The following FAM53B variants were observed in gnomAD, a reference collection of about 807,000 sequenced individuals.
FAM53B encodes protein FAM53B.
In FAM53B, 12 loss-of-function variants were observed where a neutral mutation model predicts 32.7. That is an observed-to-expected ratio of 0.37 (90% confidence interval 0.24 to 0.59). FAM53B has a LOEUF of 0.59. Ranked by LOEUF, FAM53B falls within the 20% of genes least tolerant of loss-of-function variation. The pLI is 0.72. For missense variants in FAM53B, 477 were observed against 577.7 expected (o/e 0.83, Z 1.79); for synonymous variants, 234 against 228.7 (o/e 1.02, Z -0.21).
chr10:124,688,515 TCA>T (rs1313047910), intron 3 of FAM53B, among the ~76,000 whole-genome samples: 3 of 152,256 alleles, frequency 2.0e-5, no homozygotes, highest in Non-Finnish European at 2.9e-5. Context: ...CCCAGTTCTC[TCA>T]CAGTCTTGGA....
chr10:124,650,180 G>A (rs1411156070), intron 4 of FAM53B, among the ~76,000 whole-genome samples: 3 of 152,178 alleles, frequency 2.0e-5, no homozygotes, highest in Non-Finnish European at 2.9e-5. Context: ...TTACAATACT[G>A]TAGGCTGTGC....
At chr10:124,692,652 T>C (rs1416112763) in intron 3 of FAM53B, among the ~76,000 whole-genome samples, 1 of 134,856 alleles carries the variant, frequency 7.4e-6, no homozygotes, top group African/African-American at 2.8e-5. Flanking sequence ...GAGGCGGAGG[T>C]TGCCCTGAGA....
intron 1 of FAM53B, chr10:124,742,356 C>T (rs1349681002): frequency 1.3e-5 from 2 of 152,186 alleles, no homozygotes; most frequent in Non-Finnish European, 2.9e-5. Flanking sequence ...CTGTAACTGA[C>T]ACAAGTTACT....
chr10:124,674,122 G>A (rs1011196578), intron 4 of FAM53B, among the ~76,000 whole-genome samples: 4 of 152,212 alleles, frequency 2.6e-5, no homozygotes, highest in South Asian at 2.1e-4. Flanking sequence ...TACAGAGCCC[G>A]GGACTCATAC....
chr10:124,691,360 C>T (rs1477558089), intron 3 of FAM53B, among the ~76,000 whole-genome samples: 1 of 152,196 alleles, frequency 6.6e-6, no homozygotes, highest in African/African-American at 2.4e-5. Context: ...TTTTACAATT[C>T]CTTTTTATAC....
rs140722196 is a variant in FAM53B at position 124,673,560 on chromosome 10, C to T, written c.906+8047G>A. ...GGGGACACCATTGCTCTGCTGGGTA[C>T]AGCAGCTCAGTGGGCACTCGCCCTA... On this transcript the variant is annotated intron_variant, in intron 4 of 4. Transcript: ENST00000337318. 2.1e-3 allele frequency among the ~76,000 whole-genome samples: 320 copies of T among 152,326 alleles called. 5 individuals are homozygous for T. Among genetic ancestry groups the T allele is most frequent in the African/African-American group, 7.1e-3 (297 of 41,564 alleles).
At chr10:124,692,537 A>G (rs1320235299) in intron 3 of FAM53B, among the ~76,000 whole-genome samples, 1 of 151,974 alleles carries the variant, frequency 6.6e-6, no homozygotes, top group East Asian at 1.9e-4. Flanking sequence ...CAACATGGTG[A>G]AACCCCATCT....
intron 3 of FAM53B, among the ~76,000 whole-genome samples, chr10:124,690,970 G>A (rs1273158299): frequency 6.6e-6 from 1 of 152,226 alleles, no homozygotes. Flanking sequence ...AATTGGGCCT[G>A]AGAAGCTCTG....
intron 4 of FAM53B, among the ~76,000 whole-genome samples, chr10:124,645,777 C>T (rs1316984337): frequency 6.6e-6 from 1 of 152,172 alleles, no homozygotes; most frequent in Non-Finnish European, 1.5e-5. Context: ...GACCATCCTT[C>T]CCAGCTCCTA....
At chr10:124,720,118 G>A (rs190562708) in intron 1 of FAM53B, among the ~76,000 whole-genome samples, 11 of 150,492 alleles carry the variant, frequency 7.3e-5, no homozygotes, top group East Asian at 3.9e-4. Flanking sequence ...AGCCGAGATC[G>A]CGCCATTGCA....
chr10:124,720,623 T>C (rs1345070818), intron 1 of FAM53B, among the ~76,000 whole-genome samples: 1 of 152,166 alleles, frequency 6.6e-6, no homozygotes, highest in Admixed American at 6.5e-5. Context: ...GATGAACAGT[T>C]AACAGCATGC....
chr10:124,668,265 C>T (rs910340301), intron 4 of FAM53B, among the ~76,000 whole-genome samples: 8 of 152,264 alleles, frequency 5.3e-5, no homozygotes, highest in Non-Finnish European at 1.2e-4. Context: ...CCCAAACACA[C>T]GGCCATCTCG....
chr10:124,651,841 C>G lies in FAM53B; in HGVS notation c.907-28237G>C, dbSNP rs1414516657. Among the ~76,000 whole-genome samples, 1 of 152,208 alleles carries G rather than the reference C, an allele frequency of 6.6e-6. No individual in the cohort carries two copies. The highest frequency in any genetic ancestry group is 1.5e-5 in the Non-Finnish European group (1 of 68,028). ...CTGGGCCTGGAACGTTCACGCCAGC[C>G]CCAGCGTCAGGACAACTGCGACTGA... On this transcript the variant is annotated intron_variant, in intron 4 of 4. Coordinates refer to ENST00000337318, the MANE Select transcript of FAM53B (RefSeq NM_014661.4). The surrounding 1 kb of genome is among the most constrained non-coding windows in gnomAD (Gnocchi z 5.2).
chr10:124,692,390 G>C (rs917140232), intron 3 of FAM53B, among the ~76,000 whole-genome samples: 4 of 152,150 alleles, frequency 2.6e-5, no homozygotes, highest in Non-Finnish European at 5.9e-5. Flanking sequence ...AGGGCGTGAA[G>C]TGCTTTTAAT....
intron 1 of FAM53B, among the ~76,000 whole-genome samples, chr10:124,723,944 G>A (rs1950086393): frequency 6.6e-6 from 1 of 152,200 alleles, no homozygotes; most frequent in African/African-American, 2.4e-5. Flanking sequence ...GCTTCTCTCT[G>A]GGCATTATTT....
chr10:124,675,239 G>A (rs1158274653), intron 4 of FAM53B, among the ~76,000 whole-genome samples: 1 of 152,174 alleles, frequency 6.6e-6, no homozygotes, highest in Non-Finnish European at 1.5e-5. Flanking sequence ...CTGGGTGACA[G>A]AGCAACACTC....
intron 4 of FAM53B, 32 bp downstream of exon 4, chr10:124,681,575 C>A (rs1457666079): frequency 1.3e-6 from 2 of 1,531,248 alleles, no homozygotes; most frequent in Non-Finnish European, 1.8e-6. Context: ...CCAGTGAGCA[C>A]CAAGGTGACT....
At chr10:124,691,619 C>T (rs1303470230) in intron 3 of FAM53B, among the ~76,000 whole-genome samples, 4 of 152,240 alleles carry the variant, frequency 2.6e-5, no homozygotes, top group South Asian at 4.1e-4. Flanking sequence ...GTCTCCTCCT[C>T]GCCTGAGTGC....
At chr10:124,666,023 G>C (rs1303143239) in intron 4 of FAM53B, among the ~76,000 whole-genome samples, 1 of 152,224 alleles carries the variant, frequency 6.6e-6, no homozygotes, top group Non-Finnish European at 1.5e-5. Context: ...CCCTGGCACA[G>C]GCAGTTGTAT....
Sources: gnomAD v4.1 joint callset for allele counts (sites outside exome capture counted in the v4.1 genomes callset) on GRCh38, gnomAD v4.1.1 for gene constraint, Gnocchi (gnomAD v3.1) non-coding constraint, MANE v1.5 for transcripts, NCBI Gene and HGNC (gene_info 2026-07-23, HGNC 2026-07-21) for gene names.